The following BLTP3A variants were observed in gnomAD, a reference collection of about 807,000 sequenced individuals.
BLTP3A encodes bridge-like lipid transfer protein family member 3A.
At chr6:34,804,248 T>C in the BLTP3A span, among the ~76,000 whole-genome samples, 1 of 152,170 alleles carries the variant, frequency 6.6e-6, no homozygotes, top group Non-Finnish European at 1.5e-5. Context: ...AGGTAGTCTA[T>C]CCTTTTTGTC....
At chr6:34,851,501 A>C in the BLTP3A span, among the ~76,000 whole-genome samples, 1 of 152,174 alleles carries the variant, frequency 6.6e-6, no homozygotes, top group African/African-American at 2.4e-5. Flanking sequence ...CTCCATGCTA[A>C]GCTGCCTGGA....
the BLTP3A span, chr6:34,857,464 C>G: frequency 1.9e-6 from 3 of 1,614,008 alleles, no homozygotes; most frequent in South Asian, 1.1e-5. Context: ...TAATCAGGAG[C>G]TTCCAGGTAA....
At chr6:34,819,335 T>A in the BLTP3A span, among the ~76,000 whole-genome samples, 1 of 123,880 alleles carries the variant, frequency 8.1e-6, no homozygotes, top group Non-Finnish European at 1.6e-5. Context: ...CCCCAGAGTG[T>A]GATATTCCCC....
At chr6:34,793,879 C>G in the BLTP3A span, among the ~76,000 whole-genome samples, 1 of 149,810 alleles carries the variant, frequency 6.7e-6, no homozygotes. Context: ...TTCTGATTTA[C>G]TTTCTCTAAA....
the BLTP3A span, among the ~76,000 whole-genome samples, chr6:34,809,046 A>G: frequency 1.3e-5 from 2 of 152,234 alleles, no homozygotes; most frequent in African/African-American, 4.8e-5. Flanking sequence ...CTTGTTTAAT[A>G]AATTCAGTAT....
the BLTP3A span, chr6:34,858,591 C>T: frequency 1.9e-6 from 3 of 1,614,160 alleles, no homozygotes; most frequent in East Asian, 2.2e-5. Context: ...TTCTTTTGGC[C>T]TCAGAGGGGA....
the BLTP3A span, among the ~76,000 whole-genome samples, chr6:34,869,397 G>A: frequency 2.6e-5 from 4 of 152,000 alleles, no homozygotes; most frequent in South Asian, 8.3e-4. Context: ...CCTGTCATAG[G>A]TAATCACTAT....
the BLTP3A span, among the ~76,000 whole-genome samples, chr6:34,844,277 T>TGC: frequency 2.0e-5 from 3 of 151,504 alleles, no homozygotes; most frequent in African/African-American, 7.3e-5. Context: ...CCACCAAACC[T>TGC]GGCCTGGTTT....
chr6:34,811,880 C>T, the BLTP3A span, among the ~76,000 whole-genome samples: 16 of 151,546 alleles, frequency 1.1e-4, no homozygotes, highest in Non-Finnish European at 1.8e-4. Flanking sequence ...CAAACAAAAA[C>T]TTAGTTGGGT....
the BLTP3A span, among the ~76,000 whole-genome samples, chr6:34,829,825 A>C: frequency 6.6e-6 from 1 of 150,788 alleles, no homozygotes; most frequent in Non-Finnish European, 1.5e-5. Context: ...TTTTTTCAAG[A>C]CAAGAGTCTC....
At chr6:34,874,612 C>G in the BLTP3A span, 1 of 152,204 alleles carries the variant, frequency 6.6e-6, no homozygotes, top group Non-Finnish European at 1.5e-5. Context: ...TGAGGTTCAA[C>G]ATAATATAAG....
the BLTP3A span, among the ~76,000 whole-genome samples, chr6:34,796,573 A>G: frequency 6.6e-6 from 1 of 152,236 alleles, no homozygotes; most frequent in Non-Finnish European, 1.5e-5. Flanking sequence ...ATTTTTCACT[A>G]AATTAGGTTT....
the BLTP3A span, chr6:34,856,285 C>T: frequency 6.2e-7 from 1 of 1,613,946 alleles, no homozygotes; most frequent in Non-Finnish European, 8.5e-7. Context: ...CCATGGAGAC[C>T]CGAGGCCAGT....
chr6:34,861,104 G>A, the BLTP3A span, among the ~76,000 whole-genome samples: 2 of 151,978 alleles, frequency 1.3e-5, no homozygotes, highest in Admixed American at 1.3e-4. Context: ...GGGCTAGGCT[G>A]TCCATATTCT....
chr6:34,798,617 TTGTC>T, the BLTP3A span, among the ~76,000 whole-genome samples: 1,182 of 149,276 alleles, frequency 7.9e-3, 5 homozygotes, highest in Non-Finnish European at 0.012. Context: ...TTTTTTTACT[TTGTC>T]TGTGGTAAAC....
the BLTP3A span, chr6:34,872,566 C>A: frequency 4.7e-5 from 58 of 1,229,506 alleles, no homozygotes; most frequent in Non-Finnish European, 5.9e-5. Flanking sequence ...GGAGCACTCA[C>A]TTCACTTGTG....
the BLTP3A span, among the ~76,000 whole-genome samples, chr6:34,822,824 G>A: frequency 6.6e-6 from 1 of 151,540 alleles, no homozygotes; most frequent in Non-Finnish European, 1.5e-5. Flanking sequence ...CCTGCAGCCT[G>A]GGTGATAAGA....
At chr6:34,875,021 T>G in the BLTP3A span, 1 of 152,654 alleles carries the variant, frequency 6.6e-6, no homozygotes, top group African/African-American at 2.4e-5. Flanking sequence ...AAGGACCCGG[T>G]CCTGTACTAC....
chr6:34,827,972 A>C, the BLTP3A span, among the ~76,000 whole-genome samples: 4 of 152,104 alleles, frequency 2.6e-5, no homozygotes, highest in African/African-American at 4.8e-5. Flanking sequence ...TTATTTGTTT[A>C]AGTTTTAGAT....
Sources: gnomAD v4.1 joint callset for allele counts (sites outside exome capture counted in the v4.1 genomes callset) on GRCh38, gnomAD v4.1.1 for gene constraint, MANE v1.5 for transcripts, NCBI Gene and HGNC (gene_info 2026-07-23, HGNC 2026-07-21) for gene names.